The following ABCC12 variants were observed in gnomAD, a reference collection of about 807,000 sequenced individuals.
ABCC12 encodes ATP binding cassette subfamily C member 12, also known as ATP-binding cassette sub-family C member 12.
Under a neutral mutation model 151.1 loss-of-function variants are expected in ABCC12, and 142 were observed. The observed-to-expected ratio is 0.94, with a 90% CI of 0.82 to 1.08. ABCC12 has a LOEUF of 1.08. ABCC12 is among the 50% of genes least tolerant of loss of function. ABCC12 has a pLI of 0.00. For synonymous variants in ABCC12, 645 were observed against 646.4 expected, an observed-to-expected ratio of 1.00 and a Z score of 0.03; for missense variants, 1,638 against 1,691.1, an observed-to-expected ratio of 0.97 and a Z score of 0.55.
chr16:48,104,652 ATGC>A lies in ABCC12; in HGVS notation c.2674-287_2674-285del, dbSNP rs1963424473. Reference sequence around the variant, plus strand: ...ATGCAGCCTGAGACGGGAGAGGCTGATGCCTTTGTCGGAGGAAGGAATTTTGTG... The same window carrying A: ...ATGCAGCCTGAGACGGGAGAGGCTGACTTTGTCGGAGGAAGGAATTTTGTG... On this transcript the variant is annotated intron_variant, in intron 21 of 30. Transcript: ENST00000311303. 2.0e-5 allele frequency among the ~76,000 whole-genome samples: 3 copies of A among 152,228 alleles called. No individual in the cohort carries two copies. In the South Asian group the frequency reaches 6.2e-4, roughly 31 times the overall value.
At position 48,107,432 on chromosome 16, in the gene ABCC12, G is replaced by C; in HGVS notation, c.2372-7C>G. ...AAGAGAGAAAGGAGGTACCCTGCAA[G>C]AGGAGCGGAGAGGCCCAAGGGGCTG... is the stretch of plus-strand genomic sequence containing the variant. On this transcript the variant is annotated splice_region_variant and splice_polypyrimidine_tract_variant and intron_variant, in intron 19 of 30. Coordinates refer to ENST00000311303, the MANE Select transcript of ABCC12 (RefSeq NM_001393797.1). 1 of 1,612,754 alleles carries C rather than the reference G, an allele frequency of 6.2e-7. No homozygotes were observed. Among genetic ancestry groups the C allele is most frequent in the Non-Finnish European group, 8.5e-7 (1 of 1,178,748 alleles).
chr16:48,129,395 T>C (rs1964347626), intron 10 of ABCC12, among the ~76,000 whole-genome samples: 1 of 151,800 alleles, frequency 6.6e-6, no homozygotes, highest in Non-Finnish European at 1.5e-5. Flanking sequence ...CAGGCAGAGA[T>C]GAGAAAAGGG....
chr16:48,124,774 T>C (rs924467342), intron 11 of ABCC12, among the ~76,000 whole-genome samples: 1 of 152,252 alleles, frequency 6.6e-6, no homozygotes, highest in Admixed American at 6.5e-5. Flanking sequence ...CCAGATTTAT[T>C]AATTCAACCA....
chr16:48,128,935 C>T (rs748970556), intron 10 of ABCC12, among the ~76,000 whole-genome samples, 198 bp from the exon 11 acceptor site: 1 of 152,194 alleles, frequency 6.6e-6, no homozygotes, highest in Non-Finnish European at 1.5e-5. Context: ...GGGACAGTTG[C>T]CTCTTTAACC....
rs575791163 is a variant in ABCC12, at chr16:48,111,555, A to C, written c.2209+23T>G. 20 of 1,614,204 alleles carry C rather than the reference A, an allele frequency of 1.2e-5. No individual in the cohort carries two copies. The South Asian group carries it at 2.2e-4, about 18-fold the overall frequency. ...ATCTGTGTCCATTCAAGCCAAGGACAATAACAGGGATGGGATTCTAACCGA... is the reference window on the plus strand; with the variant it reads ...ATCTGTGTCCATTCAAGCCAAGGACCATAACAGGGATGGGATTCTAACCGA... On this transcript the variant is annotated intron_variant, in intron 17 of 30. Coordinates refer to ENST00000311303, the MANE Select transcript of ABCC12 (RefSeq NM_001393797.1).
intron 26 of ABCC12, 123 bp downstream of exon 26, chr16:48,088,422 T>G: frequency 8.8e-7 from 1 of 1,137,360 alleles, no homozygotes; most frequent in East Asian, 2.5e-5. Context: ...TAAAGAGATT[T>G]GAGGGAAATA....
intron 8 of ABCC12, among the ~76,000 whole-genome samples, chr16:48,136,101 T>C (rs1161008976): frequency 6.6e-6 from 1 of 152,208 alleles, no homozygotes; most frequent in African/African-American, 2.4e-5. Flanking sequence ...AAGGTTTGCT[T>C]GCGCAGGTTT....
chr16:48,088,694 G>T lies in ABCC12; in HGVS notation c.3326C>A (p.Thr1109Asn), dbSNP rs567467690. 1 of 1,614,114 alleles carries T rather than the reference G, an allele frequency of 6.2e-7. No homozygotes were observed. Among genetic ancestry groups the T allele is most frequent in the African/African-American group, 1.3e-5 (1 of 75,058 alleles). The change falls in exon 26 of 31, where the codon ACC becomes AAC. Residue 1109 changes from threonine (T) to asparagine (N), a missense_variant. By Grantham distance (65) the Thr-to-Asn change is moderately conservative. Coordinates refer to ENST00000311303, the MANE Select transcript of ABCC12 (RefSeq NM_001393797.1). ...ACGGCTGGGCCAGTCCTTGGGACAGGTCCCCACTTTGAGGGGATGAGTGCA... is the reference window on the plus strand; with the variant it reads ...ACGGCTGGGCCAGTCCTTGGGACAGTTCCCCACTTTGAGGGGATGAGTGCA... ...PECTHPLKVG[T>N]CPKDWPSRGE...
At chr16:48,087,709 T>A in intron 27 of ABCC12, 1 of 502,996 alleles carries the variant, frequency 2.0e-6, no homozygotes, top group Non-Finnish European at 3.5e-6. Flanking sequence ...ATAATGTGTT[T>A]ATAAAACACA....
intron 20 of ABCC12, 81 bp downstream of exon 20, chr16:48,107,241 A>T: frequency 7.6e-7 from 1 of 1,320,668 alleles, no homozygotes; most frequent in Non-Finnish European, 1.1e-6. Context: ...GCATGGTGGC[A>T]GGGGCAGTCA....
chr16:48,099,433 T>G (rs1963225815), intron 23 of ABCC12, among the ~76,000 whole-genome samples: 1 of 152,144 alleles, frequency 6.6e-6, no homozygotes, highest in Admixed American at 6.6e-5. Flanking sequence ...TTTAATGCAA[T>G]TCCAAACTTA....
intron 25 of ABCC12, 132 bp from the exon 26 acceptor site, chr16:48,088,866 T>A: frequency 1.3e-6 from 1 of 755,926 alleles, no homozygotes; most frequent in Non-Finnish European, 2.0e-6. Context: ...TAATGACCCT[T>A]AATTCTAGAA....
intron 28 of ABCC12, chr16:48,086,445 G>T: frequency 3.4e-6 from 1 of 296,372 alleles, no homozygotes; most frequent in Non-Finnish European, 6.4e-6. Flanking sequence ...TTACTTCCCT[G>T]AGCTTTAATT....
At chr16:48,127,007 G>A (rs1228757897) in intron 11 of ABCC12, among the ~76,000 whole-genome samples, 1 of 152,164 alleles carries the variant, frequency 6.6e-6, no homozygotes, top group East Asian at 1.9e-4. Flanking sequence ...CACGGGGAGA[G>A]TGGCGAGAAG....
chr16:48,134,135 G>A lies in ABCC12; in HGVS notation c.980-300C>T, dbSNP rs370501864. On this transcript the variant is annotated intron_variant, in intron 8 of 30. Transcript: ENST00000311303. ...GGCCAGGCAAGTACCATTAATGAAGGAAGTGGGGCCAGAGAGGAGGGAAGA... is the reference window on the plus strand; with the variant it reads ...GGCCAGGCAAGTACCATTAATGAAGAAAGTGGGGCCAGAGAGGAGGGAAGA... Among the ~76,000 whole-genome samples the A allele has an allele frequency of 6.6e-5, 10 of 152,294 alleles. No individual in the cohort carries two copies. In the South Asian group the frequency reaches 1.2e-3, roughly 19 times the overall value.
At chr16:48,109,942 G>A (rs141956704) in intron 18 of ABCC12, among the ~76,000 whole-genome samples, 1,594 of 152,282 alleles carry the variant, frequency 0.01, 30 homozygotes, top group African/African-American at 0.035. Flanking sequence ...TGACAGCCCC[G>A]TTGTTTATCC....
rs757172897 is a variant in ABCC12 at position 48,124,212 on chromosome 16, C to T, written c.1587+1G>A. 1.2e-6 allele frequency: 2 copies of T among 1,613,950 alleles called. No homozygotes were observed. The highest frequency in any genetic ancestry group is 2.2e-5 in the South Asian group (2 of 91,078). ...TTCACAGCACTCATCACACAGCTTA[C>T]CTGTCCTAGGAGAGCTGCAAGGAGG... On this transcript the variant is annotated splice_donor_variant, in intron 12 of 30. Coordinates refer to ENST00000311303, the MANE Select transcript of ABCC12 (RefSeq NM_001393797.1). LOFTEE classifies it high-confidence loss of function.
intron 11 of ABCC12, among the ~76,000 whole-genome samples, chr16:48,126,517 G>A (rs544063213): frequency 6.6e-6 from 1 of 152,344 alleles, no homozygotes; most frequent in Admixed American, 6.5e-5. Flanking sequence ...CAGCACTTAA[G>A]CTGGACATAA....
chr16:48,146,932 C>T (rs574087498), intron 2 of ABCC12, among the ~76,000 whole-genome samples: 247 of 151,762 alleles, frequency 1.6e-3, no homozygotes, highest in Non-Finnish European at 2.8e-3. Flanking sequence ...CACAAACATG[C>T]ACACACACCG....
Sources: gnomAD v4.1 joint callset for allele counts (sites outside exome capture counted in the v4.1 genomes callset) on GRCh38, gnomAD v4.1.1 for gene constraint, MANE v1.5 for transcripts, NCBI Gene and HGNC (gene_info 2026-07-23, HGNC 2026-07-21) for gene names.